PDE1C: variants seen among roughly 807,000 people sequenced by gnomAD.
The protein encoded by PDE1C is dual specificity calcium/calmodulin-dependent 3',5'-cyclic nucleotide phosphodiesterase 1C.
In PDE1C, 62 loss-of-function variants were observed where a neutral mutation model predicts 93.1. That is an observed-to-expected ratio of 0.67 (90% CI 0.54 to 0.82). The LOEUF (loss-of-function observed/expected upper bound fraction) is 0.82, where lower values mean the gene tolerates loss of function less well. Ranked by LOEUF, PDE1C falls within the 40% of genes least tolerant of loss-of-function variation. The pLI is 0.00. For synonymous variants in PDE1C, 325 were observed against 310.1 expected (o/e 1.05, Z -0.50); for missense variants, 742 against 884.6 (o/e 0.84, Z 2.04).
chr7:31,858,066 G>A (rs779191219), intron 7 of PDE1C, among the ~76,000 whole-genome samples: 1 of 152,138 alleles, frequency 6.6e-6, no homozygotes, highest in Non-Finnish European at 1.5e-5. Context: ...CCGAAAGACT[G>A]GAAAACATGG....
At chr7:31,915,718 T>G (rs1801806994) in intron 2 of PDE1C, among the ~76,000 whole-genome samples, 1 of 152,166 alleles carries the variant, frequency 6.6e-6, no homozygotes, top group African/African-American at 2.4e-5. Flanking sequence ...AACTGTCTGG[T>G]AGATAACACA....
At chr7:31,815,088 C>T (rs1021550362) in intron 15 of PDE1C, among the ~76,000 whole-genome samples, 1 of 152,068 alleles carries the variant, frequency 6.6e-6, no homozygotes, top group Non-Finnish European at 1.5e-5. Flanking sequence ...TTCAAAACCC[C>T]CTCTTGAAGC....
the PDE1C span, among the ~76,000 whole-genome samples, chr7:31,654,604 G>A: frequency 1.2e-4 from 19 of 152,180 alleles, no homozygotes; most frequent in Non-Finnish European, 2.5e-4. Flanking sequence ...ATGTCGTCAA[G>A]TTGCTTCTAT....
chr7:32,091,491 G>T (rs984509750), intron 3 of PDE1C, among the ~76,000 whole-genome samples: 2 of 152,124 alleles, frequency 1.3e-5, no homozygotes, highest in African/African-American at 4.8e-5. Context: ...AGGTGAGATG[G>T]GAGCCAAGCC....
intron 17 of PDE1C, among the ~76,000 whole-genome samples, chr7:31,761,429 G>C (rs953183458): frequency 6.6e-6 from 1 of 152,156 alleles, no homozygotes; most frequent in Non-Finnish European, 1.5e-5. Flanking sequence ...CTTTAAAATA[G>C]TTTGTGGCAA....
chr7:31,818,531 C>A (rs1252109196), intron 14 of PDE1C, among the ~76,000 whole-genome samples: 1 of 152,120 alleles, frequency 6.6e-6, no homozygotes, highest in African/African-American at 2.4e-5. Context: ...GCAAGTGTAA[C>A]CTTATCTGTA....
intron 2 of PDE1C, among the ~76,000 whole-genome samples, chr7:31,979,616 GC>G (rs1812120070): frequency 6.6e-6 from 1 of 152,142 alleles, no homozygotes; most frequent in Non-Finnish European, 1.5e-5. Flanking sequence ...TGGCTCCAGA[GC>G]CCACATATGT....
intron 1 of PDE1C, among the ~76,000 whole-genome samples, chr7:32,341,989 C>T (rs1365965305): frequency 1.3e-5 from 2 of 152,052 alleles, no homozygotes; most frequent in African/African-American, 2.4e-5. Context: ...GTACATTTAG[C>T]ATAGTTAGTA....
chr7:31,649,865 G>A, the PDE1C span, among the ~76,000 whole-genome samples: 303 of 152,280 alleles, frequency 2.0e-3, 4 homozygotes, highest in Non-Finnish European at 5.0e-4. Context: ...AACAGATTGT[G>A]TTCAGCAACT....
At chr7:31,918,889 C>T (rs984113457) in intron 2 of PDE1C, among the ~76,000 whole-genome samples, 4 of 152,228 alleles carry the variant, frequency 2.6e-5, no homozygotes, top group South Asian at 2.1e-4. Context: ...CTAAATCTAT[C>T]TGAGCCAAGA....
the PDE1C span, among the ~76,000 whole-genome samples, chr7:31,626,452 G>A: frequency 6.6e-6 from 1 of 152,090 alleles, no homozygotes; most frequent in Non-Finnish European, 1.5e-5. Context: ...ATAGAAGTAA[G>A]TTTTCCCACT....
chr7:31,936,267 T>C (rs1165116446), intron 2 of PDE1C, among the ~76,000 whole-genome samples: 1 of 152,134 alleles, frequency 6.6e-6, no homozygotes, highest in East Asian at 1.9e-4. Flanking sequence ...GACAGTAACA[T>C]GTATCCATGT....
intron 2 of PDE1C, among the ~76,000 whole-genome samples, chr7:32,172,435 G>A (rs1434300234): frequency 6.6e-6 from 1 of 151,326 alleles, no homozygotes; most frequent in East Asian, 1.9e-4. Context: ...CCAAACATAT[G>A]AAAAAAAGCT....
At chr7:32,321,727 T>C (rs17161184) in intron 1 of PDE1C, among the ~76,000 whole-genome samples, 17,179 of 152,280 alleles carry the variant, frequency 0.11, 1,359 homozygotes, top group East Asian at 0.39. Flanking sequence ...TCAGTTTCTA[T>C]ACTTACCAAC....
At chr7:32,333,769 C>T (rs573422667) in intron 1 of PDE1C, among the ~76,000 whole-genome samples, 3 of 152,340 alleles carry the variant, frequency 2.0e-5, no homozygotes, top group Non-Finnish European at 2.9e-5. Context: ...ATACTAAGAC[C>T]TTGACAACTG....
At chr7:32,307,616 A>G (rs539602675) in intron 1 of PDE1C, among the ~76,000 whole-genome samples, 3 of 152,196 alleles carry the variant, frequency 2.0e-5, no homozygotes, top group East Asian at 1.9e-4. Flanking sequence ...ACCCTGCTGC[A>G]TGCCCAGGAC....
chr7:31,711,851 A>G, the PDE1C span, among the ~76,000 whole-genome samples: 1 of 152,126 alleles, frequency 6.6e-6, no homozygotes, highest in Non-Finnish European at 1.5e-5. Context: ...GAATAAAGGT[A>G]GAGATCTCAA....
At chr7:32,424,056 T>C (rs1483195580) in intron 1 of PDE1C, among the ~76,000 whole-genome samples, 1 of 152,206 alleles carries the variant, frequency 6.6e-6, no homozygotes, top group Non-Finnish European at 1.5e-5. Flanking sequence ...ACTTGTTTGT[T>C]CTGAGGTAAC....
chr7:31,648,319 A>T, the PDE1C span, among the ~76,000 whole-genome samples: 1 of 151,776 alleles, frequency 6.6e-6, no homozygotes, highest in Admixed American at 6.6e-5. Context: ...TCAAGCCTTT[A>T]TATTGTAAGA....
Sources: allele counts gnomAD v4.1 joint callset (sites outside exome capture counted in the v4.1 genomes callset), GRCh38; gene constraint gnomAD v4.1.1; transcripts MANE v1.5; gene names NCBI Gene and HGNC (gene_info 2026-07-23, HGNC 2026-07-21).